Variants in CSNK1G3 observed in about 807,000 individuals in gnomAD.
CSNK1G3 encodes the protein casein kinase 1 gamma 3, also known as casein kinase I isoform gamma-3.
A neutral mutation model predicts 64.3 loss-of-function variants in CSNK1G3; 23 were observed. That is an observed-to-expected ratio of 0.36 (90% CI 0.26 to 0.51). CSNK1G3 has a LOEUF of 0.51. Among genes scored for constraint, CSNK1G3 ranks in the 20% least tolerant of loss-of-function variants. The pLI is 0.96. For synonymous variants in CSNK1G3, 158 were observed against 162.2 expected, an observed-to-expected ratio of 0.97 and a Z score of 0.20; for missense variants, 357 against 510.5, an observed-to-expected ratio of 0.70 and a Z score of 2.90.
intron 2 of CSNK1G3, chr5:123,552,817 T>C (rs981676542): frequency 5.2e-6 from 1 of 193,436 alleles, no homozygotes; most frequent in African/African-American, 2.3e-5. Context: ...TTGATTACTT[T>C]TAAATTGTAT....
At chr5:123,614,431 C>T (rs766524676) in exon 13 of CSNK1G3, 3 of 1,582,158 alleles carry the variant, frequency 1.9e-6, no homozygotes, top group African/African-American at 2.7e-5. Flanking sequence ...GAGTTACTTA[C>T]ATGTTCATCT....
rs71644482 is a variant in CSNK1G3, at chr5:123,522,502, C to CAA, written c.-248+9943_-248+9944dup. Among the ~76,000 whole-genome samples, 483 of 136,264 alleles carry CAA rather than the reference C, an allele frequency of 3.5e-3. 3 individuals carry two copies. The highest frequency in any genetic ancestry group is 8.2e-3 in the African/African-American group (303 of 36,894). The allele number at this position is 136,264 out of a possible 152,430, so 89.4% of individuals were successfully genotyped here. A position where few individuals can be genotyped will look rare whatever the true frequency, so the allele number is the denominator to read the frequency against. On this transcript the variant is annotated intron_variant, in intron 1 of 12. Coordinates refer to ENST00000345990, the Ensembl canonical transcript of CSNK1G3. ...TAGGCAATAGAGCGAGATTCTGTCTCAAAAAAAAAAAAGAAAAAAAAAATC... is the reference window on the plus strand; with the variant it reads ...TAGGCAATAGAGCGAGATTCTGTCTCAAAAAAAAAAAAAAGAAAAAAAAAATC...
intron 6 of CSNK1G3, among the ~76,000 whole-genome samples, chr5:123,583,417 A>G (rs1449048046): frequency 1.3e-5 from 2 of 150,794 alleles, no homozygotes; most frequent in South Asian, 2.1e-4. Flanking sequence ...CTGGAGTGCA[A>G]TGGCGCGATC....
At chr5:123,592,949 TA>T (rs1344210245) in intron 10 of CSNK1G3, among the ~76,000 whole-genome samples, 1 of 151,938 alleles carries the variant, frequency 6.6e-6, no homozygotes, top group Admixed American at 6.6e-5. Context: ...AAACCAGAGT[TA>T]ATTCCTTGAA....
intron 2 of CSNK1G3, among the ~76,000 whole-genome samples, chr5:123,548,702 T>C (rs1472397860): frequency 1.3e-5 from 2 of 151,430 alleles, no homozygotes; most frequent in South Asian, 2.1e-4. Context: ...TTCTAAGAGG[T>C]TGAGTCTAGC....
chr5:123,613,066 T>C (rs1199202626), intron 12 of CSNK1G3, among the ~76,000 whole-genome samples: 2 of 152,184 alleles, frequency 1.3e-5, no homozygotes, highest in Admixed American at 1.3e-4. Flanking sequence ...CTATATGTAG[T>C]GTCTGTCATG....
At chr5:123,575,568 A>G (rs1561553212) in intron 5 of CSNK1G3, among the ~76,000 whole-genome samples, 161 bp from the exon 6 acceptor site, 3 of 152,318 alleles carry the variant, frequency 2.0e-5, no homozygotes, top group South Asian at 2.1e-4. Context: ...GCAATTTGCT[A>G]TGTGAAGAAT....
chr5:123,537,024 A>G (rs1780950881), intron 1 of CSNK1G3, among the ~76,000 whole-genome samples: 1 of 152,176 alleles, frequency 6.6e-6, no homozygotes, highest in African/African-American at 2.4e-5. Flanking sequence ...GGAAAACAGT[A>G]TGGAGACTTC....
At chr5:123,616,831 T>C (rs754951356) in exon 13 of CSNK1G3, 3 of 152,208 alleles carry the variant, frequency 2.0e-5, no homozygotes, top group Non-Finnish European at 4.4e-5. Context: ...TAATTTAAGA[T>C]AGGAATTATA....
intron 2 of CSNK1G3, among the ~76,000 whole-genome samples, chr5:123,551,025 T>C (rs912931010): frequency 1.1e-4 from 17 of 152,214 alleles, no homozygotes; most frequent in Non-Finnish European, 2.4e-4. Context: ...ATAGTACTTT[T>C]AGAGGCATTT....
At chr5:123,577,422 CAG>C (rs1200145035) in intron 6 of CSNK1G3, among the ~76,000 whole-genome samples, 2 of 152,018 alleles carry the variant, frequency 1.3e-5, no homozygotes, top group Non-Finnish European at 2.9e-5. Context: ...TACACACACA[CAG>C]AGACATACGT....
intron 6 of CSNK1G3, among the ~76,000 whole-genome samples, 166 bp from the exon 7 acceptor site, chr5:123,587,902 A>G (rs1791618558): frequency 2.0e-5 from 3 of 152,136 alleles, no homozygotes; most frequent in African/African-American, 2.4e-5. Context: ...TAAAAACATT[A>G]TTTATATAGA....
At chr5:123,561,847 C>G (rs1785790683) in intron 4 of CSNK1G3, among the ~76,000 whole-genome samples, 1 of 152,182 alleles carries the variant, frequency 6.6e-6, no homozygotes, top group East Asian at 1.9e-4. Flanking sequence ...CACATCTGTT[C>G]AAGCTGAAAT....
chr5:123,573,941 C>T (rs1017941925), intron 5 of CSNK1G3, among the ~76,000 whole-genome samples: 1 of 151,602 alleles, frequency 6.6e-6, no homozygotes, highest in Non-Finnish European at 1.5e-5. Context: ...CCTCTGCCTC[C>T]CGGGTTCAAG....
At chr5:123,566,452 T>C (rs1261698610) in intron 4 of CSNK1G3, among the ~76,000 whole-genome samples, 1 of 152,180 alleles carries the variant, frequency 6.6e-6, no homozygotes. Context: ...TGGAGTAAGA[T>C]TTTATAATTG....
intron 1 of CSNK1G3, among the ~76,000 whole-genome samples, chr5:123,526,579 C>T (rs1445841262): frequency 6.6e-6 from 1 of 152,168 alleles, no homozygotes; most frequent in Non-Finnish European, 1.5e-5. Flanking sequence ...TTGCAGTCAA[C>T]TTCTCCCACT....
chr5:123,528,907 C>CA (rs1377807641), intron 1 of CSNK1G3, among the ~76,000 whole-genome samples: 2 of 152,158 alleles, frequency 1.3e-5, no homozygotes, highest in Non-Finnish European at 2.9e-5. Flanking sequence ...CACAGAGTGG[C>CA]AAAAATTTTG....
intron 2 of CSNK1G3, among the ~76,000 whole-genome samples, chr5:123,547,130 G>A (rs952499105): frequency 8.5e-5 from 13 of 152,094 alleles, no homozygotes; most frequent in African/African-American, 3.1e-4. Context: ...CATGTACCAG[G>A]CATGATTAGA....
chr5:123,587,836 T>C (rs1791609899), intron 6 of CSNK1G3, among the ~76,000 whole-genome samples: 1 of 152,158 alleles, frequency 6.6e-6, no homozygotes, highest in Non-Finnish European at 1.5e-5. Flanking sequence ...AATAAATCTC[T>C]AACAGCATCT....
Sources: gnomAD v4.1 joint callset for allele counts (sites outside exome capture counted in the v4.1 genomes callset) on GRCh38, gnomAD v4.1.1 for gene constraint, MANE v1.5 for transcripts, NCBI Gene and HGNC (gene_info 2026-07-23, HGNC 2026-07-21) for gene names.